ZNF804B: variants seen among roughly 807,000 people sequenced by gnomAD.
ZNF804B encodes zinc finger protein 804B, also known as zinc finger 804B.
Under a neutral mutation model 101.4 loss-of-function variants are expected in ZNF804B, and 80 were observed. That is an observed-to-expected ratio of 0.79 (90% confidence interval 0.66 to 0.95). The LOEUF (loss-of-function observed/expected upper bound fraction) is 0.95. Ranked by LOEUF, ZNF804B falls within the 40% of genes least tolerant of loss-of-function variation. The pLI is 0.00. For synonymous variants in ZNF804B, 622 were observed against 558.8 expected (o/e 1.11, Z -1.59); for missense variants, 1,673 against 1,561.9 (o/e 1.07, Z -1.20).
chr7:88,850,471 G>C (rs1040256343), intron 1 of ZNF804B, among the ~76,000 whole-genome samples: 1 of 152,072 alleles, frequency 6.6e-6, no homozygotes, highest in African/African-American at 2.4e-5. Flanking sequence ...TCTGAGACTC[G>C]TGGAAAAAAC....
intron 1 of ZNF804B, among the ~76,000 whole-genome samples, chr7:89,040,286 C>T (rs1314890215): frequency 1.3e-5 from 2 of 151,032 alleles, no homozygotes; most frequent in Admixed American, 6.6e-5. Flanking sequence ...TATTTCTTTA[C>T]TCTTTTTTAT....
chr7:89,156,019 C>CCCTTCTTTCTTT, intron 1 of ZNF804B, among the ~76,000 whole-genome samples: 1 of 121,932 alleles, frequency 8.2e-6, no homozygotes, highest in East Asian at 2.4e-4. Context: ...TTCTCTCTTT[C>CCCTTCTTTCTTT]CTTTCTTTCT....
intron 1 of ZNF804B, among the ~76,000 whole-genome samples, chr7:88,968,680 G>C (rs1278325550): frequency 1.3e-5 from 2 of 151,542 alleles, no homozygotes; most frequent in Non-Finnish European, 3.0e-5. Flanking sequence ...CTTTCAAATT[G>C]TAAGGAGACT....
chr7:89,235,051 C>A (rs1446621675), intron 2 of ZNF804B, among the ~76,000 whole-genome samples: 2 of 152,100 alleles, frequency 1.3e-5, no homozygotes, highest in Non-Finnish European at 2.9e-5. Context: ...CCAATAAATA[C>A]TTCTATAGTA....
chr7:89,334,174 A>G lies in ZNF804B; in HGVS notation c.1192A>G (p.Thr398Ala). Residue 398 changes from threonine to alanine, a missense_variant, in exon 4 of 4, where the codon ACA (threonine) becomes GCA (alanine). Coordinates refer to ENST00000333190, the MANE Select transcript of ZNF804B (RefSeq NM_181646.5). ...SSLEPSEQKS[T>A]VHLNPNSRIE... ...ACTGGAGCCAAGTGAACAAAAGAGT[A>G]CAGTGCATCTGAATCCAAATTCCAG... 6.2e-7 allele frequency: 1 copy of G among 1,613,608 alleles called. No individual in the cohort carries two copies.
chr7:89,118,753 G>C (rs1790354531), intron 1 of ZNF804B, among the ~76,000 whole-genome samples: 1 of 151,990 alleles, frequency 6.6e-6, no homozygotes, highest in African/African-American at 2.4e-5. Context: ...AAAATTTTTT[G>C]TGGGAAAGTA....
At chr7:88,921,202 G>A (rs1328958995) in intron 1 of ZNF804B, among the ~76,000 whole-genome samples, 1 of 152,060 alleles carries the variant, frequency 6.6e-6, no homozygotes, top group African/African-American at 2.4e-5. Flanking sequence ...GATAAAGTAG[G>A]AGAGCGAGTT....
intron 1 of ZNF804B, among the ~76,000 whole-genome samples, chr7:88,762,219 T>C (rs2718303): frequency 0.36 from 54,085 of 151,866 alleles, 11,375 homozygotes; most frequent in African/African-American, 0.6. Context: ...TTCTCAACAC[T>C]ATTTGATTTA....
At chr7:88,778,329 A>G (rs922570640) in intron 1 of ZNF804B, among the ~76,000 whole-genome samples, 2 of 152,200 alleles carry the variant, frequency 1.3e-5, no homozygotes, top group Non-Finnish European at 2.9e-5. Context: ...GATCGGGCCC[A>G]CTTGGATAAG....
chr7:88,799,896 G>A (rs2373395), intron 1 of ZNF804B, among the ~76,000 whole-genome samples: 136,662 of 152,080 alleles, frequency 0.9, 61,731 homozygotes, highest in East Asian at 1. Context: ...TCATTTGAGC[G>A]TGGCCTTCAG....
At chr7:89,295,964 TAC>T (rs1289374028) in intron 2 of ZNF804B, among the ~76,000 whole-genome samples, 2 of 152,090 alleles carry the variant, frequency 1.3e-5, no homozygotes, top group African/African-American at 2.4e-5. Context: ...CGCAAAGGCA[TAC>T]AGAGTGGTAT....
At chr7:88,956,616 G>C (rs1430906281) in intron 1 of ZNF804B, among the ~76,000 whole-genome samples, 2 of 150,956 alleles carry the variant, frequency 1.3e-5, no homozygotes, top group Non-Finnish European at 3.0e-5. Flanking sequence ...AGCTAAAGTA[G>C]TCTGAAAGCA....
intron 1 of ZNF804B, among the ~76,000 whole-genome samples, chr7:89,123,326 A>G (rs1393196813): frequency 6.6e-6 from 1 of 152,178 alleles, no homozygotes; most frequent in Non-Finnish European, 1.5e-5. Context: ...CCTCAAGACT[A>G]TGGAGTCCTC....
chr7:89,259,479 C>G (rs935497531), intron 2 of ZNF804B, among the ~76,000 whole-genome samples: 4 of 152,188 alleles, frequency 2.6e-5, no homozygotes, highest in African/African-American at 4.8e-5. Context: ...TTTTCTATAA[C>G]AATGATGGCA....
chr7:89,034,839 A>G (rs1400452569), intron 1 of ZNF804B, among the ~76,000 whole-genome samples: 2 of 152,172 alleles, frequency 1.3e-5, no homozygotes, highest in Non-Finnish European at 2.9e-5. Flanking sequence ...GTCTTCCACA[A>G]TGTTTGAACT....
intron 1 of ZNF804B, among the ~76,000 whole-genome samples, chr7:89,170,894 C>G (rs903609165): frequency 1.9e-4 from 29 of 152,326 alleles, no homozygotes; most frequent in African/African-American, 7.0e-4. Flanking sequence ...CAATACTTTG[C>G]TCATTCAGAA....
chr7:88,897,219 C>T (rs1351740977), intron 1 of ZNF804B, among the ~76,000 whole-genome samples: 1 of 152,118 alleles, frequency 6.6e-6, no homozygotes, highest in Non-Finnish European at 1.5e-5. Context: ...GGAGATCATC[C>T]TGGATTATCT....
chr7:89,238,836 GCC>G (rs1789321010), intron 2 of ZNF804B, among the ~76,000 whole-genome samples: 1 of 152,146 alleles, frequency 6.6e-6, no homozygotes, highest in South Asian at 2.1e-4. Context: ...AAATGAAGAT[GCC>G]CTGGGTGTTG....
intron 1 of ZNF804B, among the ~76,000 whole-genome samples, chr7:89,017,888 C>A (rs2116209177): frequency 6.6e-6 from 1 of 152,024 alleles, no homozygotes; most frequent in African/African-American, 2.4e-5. Flanking sequence ...TTTGCTGACT[C>A]TGTTCATTAG....
Sources: gnomAD v4.1 joint callset for allele counts (sites outside exome capture counted in the v4.1 genomes callset) on GRCh38, gnomAD v4.1.1 for gene constraint, MANE v1.5 for transcripts, NCBI Gene and HGNC (gene_info 2026-07-23, HGNC 2026-07-21) for gene names.